The following IL20RA variants were observed in gnomAD, a reference collection of about 807,000 sequenced individuals.
The protein encoded by IL20RA is interleukin-20 receptor subunit alpha.
In IL20RA, 29 loss-of-function variants were observed where a neutral mutation model predicts 36.5. That is an observed-to-expected ratio of 0.79 (90% confidence interval 0.59 to 1.08). The LOEUF is 1.08. IL20RA is among the 50% of genes least tolerant of loss of function. IL20RA has a pLI of 0.00. For synonymous variants in IL20RA, 279 were observed against 267.1 expected, an observed-to-expected ratio of 1.04 and a Z score of -0.43; for missense variants, 652 against 668.4, an observed-to-expected ratio of 0.98 and a Z score of 0.27.
At chr6:137,012,564 T>A (rs1193584459) in intron 2 of IL20RA, among the ~76,000 whole-genome samples, 55 of 149,000 alleles carry the variant, frequency 3.7e-4, no homozygotes, top group Non-Finnish European at 1.6e-4. Flanking sequence ...AGGAGAGACA[T>A]GTGTGTGGGA....
At chr6:137,030,069 G>T (rs1776220797) in intron 1 of IL20RA, among the ~76,000 whole-genome samples, 1 of 44,640 alleles carries the variant, frequency 2.2e-5, no homozygotes, top group Non-Finnish European at 7.3e-5. Flanking sequence ...GCGGTTTGCG[G>T]GTTTTTTTTT....
Position 137,006,453 on chromosome 6 carries a change from GAA to G in IL20RA, c.725-1695_725-1694del, listed in dbSNP as rs568370304. 1.1e-4 allele frequency among the ~76,000 whole-genome samples: 16 copies of G among 152,156 alleles called. No homozygotes were observed. The South Asian group carries it at 3.3e-3, about 32-fold the overall frequency. On this transcript the variant is annotated intron_variant, in intron 5 of 6. Coordinates refer to ENST00000316649, the MANE Select transcript of IL20RA (RefSeq NM_014432.4). ...TCCCTGGATTGAGCCTGTCCTAATT[GAA>G]AAAAGTCATAACAATGACTGATAGC...
chr6:137,008,717 C>T lies in IL20RA; in HGVS notation c.606G>A (p.Thr202=), dbSNP rs9483975. 0.011 allele frequency: 17,073 copies of T among 1,604,208 alleles called. 1,550 individuals are homozygous for T. The African/African-American group carries it at 0.2, about 19-fold the overall frequency. The change falls in exon 5 of 7, where the codon ACG becomes ACA. Residue 202 remains threonine (T), a synonymous_variant. Coordinates refer to ENST00000316649, the MANE Select transcript of IL20RA (RefSeq NM_014432.4). Reference sequence around the variant, plus strand: ...TCGGCTCCAGCCAGGTGAGCACCAGCGTGTGGTTGGTCACACACTGGGACC... The same window carrying T: ...TCGGCTCCAGCCAGGTGAGCACCAGTGTGTGGTTGGTCACACACTGGGACC... ...RTWSQCVTNH[T]LVLTWLEPNT...
At position 137,000,691 on chromosome 6, in the gene IL20RA, C is replaced by T. The variant is rs1775002948; in HGVS notation, c.*867G>A. On this transcript the variant is annotated 3_prime_UTR_variant, in exon 7 of 7. Transcript: ENST00000316649. ...AAGAGTCTTTGAACGACTGCCTATT[C>T]GAATGTTTAATATTATAATAGTAAC... 2 of 152,078 alleles carry T rather than the reference C, an allele frequency of 1.3e-5. No individual in the cohort carries two copies. Among genetic ancestry groups the T allele is most frequent in the South Asian group, 4.1e-4 (2 of 4,828 alleles). The allele number at this position is 152,078 out of a possible 1,614,324, so 9.4% of individuals were successfully genotyped here. A position where few individuals can be genotyped will look rare whatever the true frequency, so the allele number is the denominator to read the frequency against.
intron 1 of IL20RA, among the ~76,000 whole-genome samples, chr6:137,038,582 T>C (rs1776572899): frequency 6.6e-6 from 1 of 152,168 alleles, no homozygotes; most frequent in Non-Finnish European, 1.5e-5. Context: ...AATTTTGTGT[T>C]ATGTCATAAA....
At chr6:137,016,340 A>T (rs1775683715) in intron 2 of IL20RA, among the ~76,000 whole-genome samples, 1 of 152,094 alleles carries the variant, frequency 6.6e-6, no homozygotes, top group South Asian at 2.1e-4. Context: ...TTGCACTGTG[A>T]TACTTATTTT....
intron 1 of IL20RA, among the ~76,000 whole-genome samples, chr6:137,038,928 C>T (rs1158111166): frequency 6.6e-6 from 1 of 152,112 alleles, no homozygotes; most frequent in Non-Finnish European, 1.5e-5. Flanking sequence ...TAGAGATATA[C>T]AGTTTCATTA....
At chr6:137,005,910 G>A (rs1775261591) in intron 5 of IL20RA, among the ~76,000 whole-genome samples, 1 of 152,170 alleles carries the variant, frequency 6.6e-6, no homozygotes, top group Admixed American at 6.5e-5. Flanking sequence ...CTACGATCCT[G>A]TGAGCCAACG....
intron 2 of IL20RA, among the ~76,000 whole-genome samples, chr6:137,016,118 C>A (rs449852): frequency 0.19 from 29,635 of 152,156 alleles, 3,115 homozygotes; most frequent in Middle Eastern, 0.27. Context: ...TGCCACCTCC[C>A]TTTCCTCCTG....
intron 1 of IL20RA, among the ~76,000 whole-genome samples, chr6:137,041,017 AGACATGTTGATAT>A (rs543613799): frequency 2.1e-3 from 313 of 152,378 alleles, no homozygotes; most frequent in African/African-American, 7.3e-3. Context: ...ACCAATAAGA[AGACATGTTGATAT>A]TACAAATCCT....
chr6:137,029,778 T>G (rs2115412179), intron 1 of IL20RA, among the ~76,000 whole-genome samples: 1 of 152,306 alleles, frequency 6.6e-6, no homozygotes, highest in South Asian at 2.1e-4. Context: ...CAGTAACTAT[T>G]TCTTAAATAT....
intron 1 of IL20RA, 114 bp downstream of exon 1, chr6:137,044,527 G>T: frequency 9.0e-7 from 1 of 1,110,250 alleles, no homozygotes; most frequent in Non-Finnish European, 1.1e-6. Flanking sequence ...CTGCCCGCCC[G>T]AAAGCGAAAC....
Position 137,001,946 on chromosome 6 carries a change from ACCT to A in IL20RA, c.1271_1273del (p.Glu424del), listed in dbSNP as rs757830334. The A allele has an allele frequency of 3.1e-6, 5 of 1,613,816 alleles. No homozygotes were observed. The East Asian group carries it at 8.9e-5, about 29-fold the overall frequency. On this transcript the variant is annotated inframe_deletion, in exon 7 of 7. Coordinates refer to ENST00000316649, the MANE Select transcript of IL20RA (RefSeq NM_014432.4). ...CTCCAATAATGTTCCTTGTGTGGAC[ACCT>A]CCTCCTGCAAACTGAGCTCCTGCTC...
At chr6:137,019,798 T>C (rs79123596) in intron 1 of IL20RA, among the ~76,000 whole-genome samples, 51 of 152,284 alleles carry the variant, frequency 3.3e-4, no homozygotes, top group African/African-American at 6.5e-4. Context: ...AAAAATAATG[T>C]TCTTATGCCA....
chr6:137,039,883 T>C (rs961279844), intron 1 of IL20RA, among the ~76,000 whole-genome samples: 1 of 152,094 alleles, frequency 6.6e-6, no homozygotes, highest in African/African-American at 2.4e-5. Context: ...GGAACCCAAA[T>C]TGTAATACAA....
chr6:137,015,251 G>A (rs568163907), intron 2 of IL20RA, among the ~76,000 whole-genome samples: 2 of 152,014 alleles, frequency 1.3e-5, no homozygotes, highest in East Asian at 3.9e-4. Flanking sequence ...CTATCACTTA[G>A]CTCTAACAGG....
intron 1 of IL20RA, among the ~76,000 whole-genome samples, chr6:137,031,126 C>G (rs553474393): frequency 2.8e-4 from 42 of 152,212 alleles, no homozygotes; most frequent in Non-Finnish European, 5.0e-4. Context: ...GGGAAGCAGG[C>G]AAATGGCAGG....
chr6:137,032,983 A>T (rs1228665985), intron 1 of IL20RA, among the ~76,000 whole-genome samples: 1 of 152,226 alleles, frequency 6.6e-6, no homozygotes, highest in Non-Finnish European at 1.5e-5. Context: ...CAGGGCAATA[A>T]TGAAGAGACG....
At chr6:137,005,066 G>A (rs185559882) in intron 5 of IL20RA, among the ~76,000 whole-genome samples, 3 of 152,178 alleles carry the variant, frequency 2.0e-5, no homozygotes, top group Non-Finnish European at 4.4e-5. Flanking sequence ...CTGGCTATGA[G>A]ATTCATGCAG....
Sources: gnomAD v4.1 joint callset for allele counts (sites outside exome capture counted in the v4.1 genomes callset) on GRCh38, gnomAD v4.1.1 for gene constraint, MANE v1.5 for transcripts, NCBI Gene and HGNC (gene_info 2026-07-23, HGNC 2026-07-21) for gene names.